The following EMSY variants were observed in gnomAD, a reference collection of about 807,000 sequenced individuals.
EMSY encodes the protein EMSY transcriptional repressor, BRCA2 interacting, also known as BRCA2-interacting transcriptional repressor EMSY.
A neutral mutation model predicts 134.6 loss-of-function variants in EMSY; 26 were observed. That is an observed-to-expected ratio of 0.19 (90% CI 0.14 to 0.27). The LOEUF is 0.27. Among genes scored for constraint, EMSY ranks in the 10% least tolerant of loss-of-function variants. The pLI is 1.00. For missense variants in EMSY, 1,305 were observed against 1,611.4 expected (o/e 0.81, Z 3.26); for synonymous variants, 579 against 577.8 (o/e 1.00, Z -0.03).
chr11:76,475,264 T>C (rs940990533), intron 8 of EMSY, among the ~76,000 whole-genome samples: 2 of 152,148 alleles, frequency 1.3e-5, no homozygotes. Flanking sequence ...CATCAAACAG[T>C]TTGCTGGTTT....
At chr11:76,522,475 C>A (rs1484848343) in intron 11 of EMSY, among the ~76,000 whole-genome samples, 3 of 130,888 alleles carry the variant, frequency 2.3e-5, no homozygotes, top group Non-Finnish European at 3.1e-5. Context: ...TCAAGCAATT[C>A]TTTTGCCTCA....
intron 2 of EMSY, among the ~76,000 whole-genome samples, chr11:76,449,763 G>A (rs1422830969): frequency 3.9e-5 from 6 of 152,142 alleles, no homozygotes; most frequent in Admixed American, 1.3e-4. Flanking sequence ...TCTCTTCCAT[G>A]TGTGAACTAA....
intron 9 of EMSY, among the ~76,000 whole-genome samples, chr11:76,505,549 T>C (rs879841931): frequency 4.6e-5 from 7 of 150,982 alleles, no homozygotes; most frequent in Non-Finnish European, 7.4e-5. Flanking sequence ...TATTACTTCA[T>C]AGAAAATAAT....
intron 14 of EMSY, among the ~76,000 whole-genome samples, chr11:76,530,435 A>G (rs531941265): frequency 2.6e-5 from 4 of 152,308 alleles, no homozygotes; most frequent in Admixed American, 1.3e-4. Context: ...TGCTGGGATT[A>G]TAGGCGTGAG....
At chr11:76,547,704 A>G (rs527510295) in intron 20 of EMSY, among the ~76,000 whole-genome samples, 1 of 152,358 alleles carries the variant, frequency 6.6e-6, no homozygotes, top group Non-Finnish European at 1.5e-5. Context: ...CAAAATTATC[A>G]TGCCTACTGG....
intron 7 of EMSY, among the ~76,000 whole-genome samples, chr11:76,469,560 T>G (rs1333573676): frequency 6.6e-6 from 1 of 152,248 alleles, no homozygotes; most frequent in African/African-American, 2.4e-5. Flanking sequence ...TCACATTTAT[T>G]AAGTAGTAGT....
At chr11:76,526,523 G>A (rs1268221628) in exon 13 of EMSY, 1 of 1,613,772 alleles carries the variant, frequency 6.2e-7, no homozygotes. Flanking sequence ...ACTGCTACAA[G>A]ACCCATCACC....
intron 7 of EMSY, among the ~76,000 whole-genome samples, chr11:76,469,755 G>A (rs1428238624): frequency 6.6e-6 from 1 of 152,068 alleles, no homozygotes; most frequent in Non-Finnish European, 1.5e-5. Context: ...ACATGTCCAG[G>A]GGCCTGCCAT....
chr11:76,516,319 A>G lies in EMSY; in HGVS notation c.1684+7A>G. 1 of 1,593,802 alleles carries G rather than the reference A, an allele frequency of 6.3e-7. No homozygotes were observed. Among genetic ancestry groups the G allele is most frequent in the Non-Finnish European group, 8.6e-7 (1 of 1,164,048 alleles). On this transcript the variant is annotated splice_region_variant and intron_variant, in intron 11 of 20. Transcript: ENST00000334736. The stretch of plus-strand genomic sequence containing the variant: ...AGCAGTAATATAGTTTCTGGTAGGT[A>G]TATCTGAAATATGTTAAAGGTATAG...
intron 9 of EMSY, among the ~76,000 whole-genome samples, chr11:76,509,027 G>A (rs1046993372): frequency 4.6e-5 from 7 of 152,058 alleles, no homozygotes; most frequent in African/African-American, 1.7e-4. Context: ...CATCTTACAC[G>A]AGCATGGTTT....
chr11:76,545,725 T>C (rs969782053), intron 19 of EMSY, 72 bp from the exon 21 acceptor site: 18 of 1,486,162 alleles, frequency 1.2e-5, no homozygotes, highest in Non-Finnish European at 1.5e-5. Flanking sequence ...TTTGCCATAT[T>C]GTCTGGGGTG....
At chr11:76,469,661 T>C (rs2135301321) in intron 7 of EMSY, among the ~76,000 whole-genome samples, 1 of 152,324 alleles carries the variant, frequency 6.6e-6, no homozygotes, top group East Asian at 1.9e-4. Flanking sequence ...AACATCATTA[T>C]ATCGTTTAAT....
At chr11:76,509,480 G>T (rs1459814535) in intron 9 of EMSY, among the ~76,000 whole-genome samples, 1 of 152,060 alleles carries the variant, frequency 6.6e-6, no homozygotes, top group Non-Finnish European at 1.5e-5. Context: ...GTAACAGAGC[G>T]AGACTCCGTC....
At chr11:76,503,001 TA>T (rs1949933013) in intron 9 of EMSY, among the ~76,000 whole-genome samples, 3 of 151,774 alleles carry the variant, frequency 2.0e-5, no homozygotes, top group African/African-American at 7.3e-5. Flanking sequence ...AAAAAAGAAG[TA>T]AAAATCACAG....
chr11:76,473,999 G>A (rs1307913972), intron 8 of EMSY, among the ~76,000 whole-genome samples: 1 of 151,752 alleles, frequency 6.6e-6, no homozygotes, highest in African/African-American at 2.4e-5. Flanking sequence ...GCATGGTAGT[G>A]CACACCTGTA....
chr11:76,445,651 G>A (rs559066421), intron 1 of EMSY, among the ~76,000 whole-genome samples: 15 of 152,274 alleles, frequency 9.9e-5, no homozygotes, highest in African/African-American at 2.9e-4. Context: ...GCGGGCTCCG[G>A]AAACTACTGC....
chr11:76,516,436 T>C (rs1295571973), intron 11 of EMSY, 124 bp downstream of exon 12: 6 of 634,606 alleles, frequency 9.5e-6, no homozygotes, highest in Non-Finnish European at 1.5e-5. Context: ...AGCTTTGTTT[T>C]AGTCCTTATG....
At chr11:76,524,197 A>T (rs1258127582) in intron 12 of EMSY, among the ~76,000 whole-genome samples, 1 of 152,122 alleles carries the variant, frequency 6.6e-6, no homozygotes, top group East Asian at 1.9e-4. Context: ...TCTCATTCTT[A>T]ATTTCCTCAT....
chr11:76,500,895 A>G (rs1949834917), intron 9 of EMSY, among the ~76,000 whole-genome samples: 1 of 152,228 alleles, frequency 6.6e-6, no homozygotes, highest in South Asian at 2.1e-4. Context: ...GTGAGGGGAA[A>G]CCAGTACCCA....
Sources: gnomAD v4.1 joint callset for allele counts (sites outside exome capture counted in the v4.1 genomes callset) on GRCh38, gnomAD v4.1.1 for gene constraint, MANE v1.5 for transcripts, NCBI Gene and HGNC (gene_info 2026-07-23, HGNC 2026-07-21) for gene names.